Variants in CACNB2 observed in about 807,000 individuals in gnomAD.
CACNB2 encodes voltage-dependent L-type calcium channel subunit beta-2.
In CACNB2, 42 loss-of-function variants were observed where a neutral mutation model predicts 73.3. That is an observed-to-expected ratio of 0.57 (90% CI 0.45 to 0.74). CACNB2 has a LOEUF of 0.74. Ranked by LOEUF, CACNB2 falls within the 30% of genes least tolerant of loss-of-function variation. CACNB2 has a pLI of 0.00. For synonymous variants in CACNB2, 348 were observed against 310.3 expected, an observed-to-expected ratio of 1.12 and a Z score of -1.28; for missense variants, 940 against 853.0, an observed-to-expected ratio of 1.10 and a Z score of -1.27.
chr10:18,367,396 A>G (rs1470244422), intron 2 of CACNB2, among the ~76,000 whole-genome samples: 1 of 152,218 alleles, frequency 6.6e-6, no homozygotes, highest in Non-Finnish European at 1.5e-5. Context: ...AAAAGGTTTT[A>G]TAAGTGTAAC....
intron 2 of CACNB2, among the ~76,000 whole-genome samples, chr10:18,199,536 A>G (rs1573221): frequency 0.79 from 120,576 of 151,944 alleles, 48,844 homozygotes; most frequent in Non-Finnish European, 0.89. Flanking sequence ...GAGAGCCAGA[A>G]GGCTAGCATG....
intron 2 of CACNB2, among the ~76,000 whole-genome samples, chr10:18,185,018 T>C (rs1032622253): frequency 6.6e-6 from 1 of 152,116 alleles, no homozygotes; most frequent in Non-Finnish European, 1.5e-5. Flanking sequence ...TTTTCATTTT[T>C]TGTAGCAACA....
chr10:18,268,615 G>A (rs2037914930), intron 2 of CACNB2, among the ~76,000 whole-genome samples: 1 of 152,170 alleles, frequency 6.6e-6, no homozygotes, highest in Non-Finnish European at 1.5e-5. Flanking sequence ...GACTTTACCA[G>A]TATACGAACA....
Position 18,540,641 on chromosome 10 carries a change from T to C in CACNB2, c.*917T>C, listed in dbSNP as rs147405664. The C allele has an allele frequency of 1.0e-4, 16 of 152,750 alleles. No individual in the cohort carries two copies. The highest frequency in any genetic ancestry group is 3.8e-4 in the African/African-American group (16 of 41,570). The allele number at this position is 152,750 out of a possible 1,614,324, so 9.5% of individuals were successfully genotyped here. A position where few individuals can be genotyped will look rare whatever the true frequency, so the allele number is the denominator to read the frequency against. ...TCTACTCCATACAGTTCACACTGAT[T>C]GTGACACATTCTTAGTAGCTAGTGT... On this transcript the variant is annotated 3_prime_UTR_variant, in exon 14 of 14. Transcript: ENST00000324631.
At chr10:18,186,633 TG>T (rs1290250993) in intron 2 of CACNB2, among the ~76,000 whole-genome samples, 4 of 150,958 alleles carry the variant, frequency 2.6e-5, no homozygotes, top group Admixed American at 6.6e-5. Flanking sequence ...CAAGAGAGGG[TG>T]GAGGGAGGTA....
intron 2 of CACNB2, among the ~76,000 whole-genome samples, chr10:18,366,581 C>T (rs910755987): frequency 4.6e-5 from 7 of 151,786 alleles, no homozygotes; most frequent in Non-Finnish European, 7.4e-5. Context: ...GAGTGGCTCA[C>T]GCCTGTAATC....
intron 12 of CACNB2, among the ~76,000 whole-genome samples, 173 bp downstream of exon 12, chr10:18,536,369 T>TTGCTTCAGCCTTCCAAGCAGCTGAGACTA (rs1384039813): frequency 1.4e-4 from 21 of 148,360 alleles, no homozygotes; most frequent in African/African-American, 5.0e-4. Context: ...AGTGATCCTA[T>TTGCTTCAGCCTTCCAAGCAGCTGAGACTA]TGCTTCAGCC....
At chr10:18,476,563 T>C (rs1390460382) in intron 3 of CACNB2, among the ~76,000 whole-genome samples, 1 of 152,198 alleles carries the variant, frequency 6.6e-6, no homozygotes, top group Non-Finnish European at 1.5e-5. Context: ...GCTGAAGCGA[T>C]GTTATGAAGT....
At chr10:18,239,271 G>A (rs912966480) in intron 2 of CACNB2, among the ~76,000 whole-genome samples, 1 of 152,040 alleles carries the variant, frequency 6.6e-6, no homozygotes, top group Non-Finnish European at 1.5e-5. Flanking sequence ...CCCGAATAGC[G>A]TGCATTATAC....
At chr10:18,338,812 C>CATTG (rs1334482580) in intron 2 of CACNB2, among the ~76,000 whole-genome samples, 1 of 143,614 alleles carries the variant, frequency 7.0e-6, no homozygotes, top group Non-Finnish European at 1.5e-5. Context: ...GATCATAGCT[C>CATTG]ATTGCAGCCT....
At chr10:18,320,570 G>T (rs2040364011) in intron 2 of CACNB2, among the ~76,000 whole-genome samples, 1 of 152,146 alleles carries the variant, frequency 6.6e-6, no homozygotes, top group Non-Finnish European at 1.5e-5. Flanking sequence ...AGACTGCGGG[G>T]ACATAATCCC....
In CACNB2 at chr10:18,502,176, G is replaced by A. The variant is rs181064061; in HGVS notation, c.593+1228G>A. 3.2e-3 allele frequency among the ~76,000 whole-genome samples: 480 copies of A among 152,170 alleles called. 2 individuals are homozygous for A. Among genetic ancestry groups the A allele is most frequent in the African/African-American group, 0.011 (439 of 41,520 alleles). On this transcript the variant is annotated intron_variant, in intron 5 of 13. Coordinates refer to ENST00000324631, the MANE Select transcript of CACNB2 (RefSeq NM_201596.3). Reference sequence around the variant, plus strand: ...CCAAAAATTAGCTGGGCATGGTGGCGGGAGCCTGTAATCCTAGCTACTCGG... The same window carrying A: ...CCAAAAATTAGCTGGGCATGGTGGCAGGAGCCTGTAATCCTAGCTACTCGG...
chr10:18,204,748 T>G (rs1441447313), intron 2 of CACNB2, among the ~76,000 whole-genome samples: 1 of 152,192 alleles, frequency 6.6e-6, no homozygotes, highest in Non-Finnish European at 1.5e-5. Context: ...CAGAACTTGG[T>G]GATATCCAGA....
At chr10:18,305,493 C>T (rs545068990) in intron 2 of CACNB2, among the ~76,000 whole-genome samples, 4 of 152,266 alleles carry the variant, frequency 2.6e-5, no homozygotes, top group East Asian at 1.9e-4. Flanking sequence ...CACAAATCCT[C>T]GAAATCTGCA....
chr10:18,407,109 CTTTT>C (rs71507267), intron 3 of CACNB2, among the ~76,000 whole-genome samples: 5 of 35,612 alleles, frequency 1.4e-4, no homozygotes, highest in African/African-American at 2.2e-4. Context: ...GCTGTTCTGT[CTTTT>C]TTTTTTTTTT....
intron 2 of CACNB2, among the ~76,000 whole-genome samples, chr10:18,218,903 C>T (rs1164938852): frequency 6.6e-6 from 1 of 152,178 alleles, no homozygotes; most frequent in Non-Finnish European, 1.5e-5. Flanking sequence ...GTGGCTCACG[C>T]CTGTAATCCC....
At chr10:18,360,415 G>A (rs545282409) in intron 2 of CACNB2, among the ~76,000 whole-genome samples, 1 of 152,232 alleles carries the variant, frequency 6.6e-6, no homozygotes, top group South Asian at 2.1e-4. Flanking sequence ...TGTAGGGATG[G>A]AATCTCACTT....
At chr10:18,228,521 T>C (rs1374575607) in intron 2 of CACNB2, among the ~76,000 whole-genome samples, 1 of 151,644 alleles carries the variant, frequency 6.6e-6, no homozygotes, top group Non-Finnish European at 1.5e-5. Context: ...TTATTAGTCT[T>C]ACCAGACATG....
intron 2 of CACNB2, among the ~76,000 whole-genome samples, chr10:18,259,560 C>A (rs11013218): frequency 0.37 from 27,298 of 74,692 alleles, 5,082 homozygotes; most frequent in Non-Finnish European, 0.41. Context: ...AAACAAAAAA[C>A]AAACAAAAAA....
Sources: allele counts gnomAD v4.1 joint callset (sites outside exome capture counted in the v4.1 genomes callset), GRCh38; gene constraint gnomAD v4.1.1; transcripts MANE v1.5; gene names NCBI Gene and HGNC (gene_info 2026-07-23, HGNC 2026-07-21).